PTPRS: variants seen among roughly 807,000 people sequenced by gnomAD.
PTPRS encodes the protein receptor-type tyrosine-protein phosphatase S.
PTPRS carries 63 observed loss-of-function variants against 215.3 expected under a neutral mutation model. The observed-to-expected ratio is 0.29, with a 90% CI of 0.24 to 0.36. The LOEUF is 0.36. Ranked by LOEUF, PTPRS falls within the 10% of genes least tolerant of loss-of-function variation. PTPRS has a pLI of 1.00. For synonymous variants in PTPRS, 1,404 were observed against 1,191.4 expected (o/e 1.18, Z -3.68); for missense variants, 2,258 against 2,825.8 (o/e 0.80, Z 4.56).
At position 5,240,267 on chromosome 19, in the gene PTPRS, T is replaced by C. The variant is rs1479695774; in HGVS notation, c.1636A>G (p.Ser546Gly). 1.3e-6 allele frequency: 2 copies of C among 1,594,986 alleles called. No homozygotes were observed. Among genetic ancestry groups the C allele is most frequent in the African/African-American group, 1.3e-5 (1 of 74,684 alleles). The change falls in exon 12 of 38, where the codon AGC (serine) becomes GGC (glycine). Residue 546 changes from serine (S) to glycine (G), a missense_variant. Transcript: ENST00000262963. ...ATGATACTCTCCTGCCGCGGGGGGCTCCAGGACAGCGTGATGCTGGTCTCC... is the reference window on the plus strand; with the variant it reads ...ATGATACTCTCCTGCCGCGGGGGGCCCCAGGACAGCGTGATGCTGGTCTCC... ...RSETSITLSWSPPRQESIIKY... is the reference protein window; with the variant it reads ...RSETSITLSWGPPRQESIIKY...
chr19:5,272,600 A>G (rs1278319021), intron 4 of PTPRS, among the ~76,000 whole-genome samples: 1 of 18,446 alleles, frequency 5.4e-5, no homozygotes, highest in Non-Finnish European at 1.2e-4. Context: ...TGTCTCAAAA[A>G]AAAAAAAAAA....
chr19:5,251,390 T>C (rs2045051103), intron 9 of PTPRS, among the ~76,000 whole-genome samples: 1 of 150,760 alleles, frequency 6.6e-6, no homozygotes, highest in African/African-American at 2.4e-5. Flanking sequence ...TGGCAAGTCA[T>C]TGGTATTTTG....
intron 1 of PTPRS, among the ~76,000 whole-genome samples, chr19:5,297,669 A>G (rs1315770584): frequency 1.3e-5 from 2 of 152,136 alleles, no homozygotes; most frequent in Admixed American, 6.5e-5. Flanking sequence ...TTGCATTTAC[A>G]CCTGGAGGAA....
rs1259369061 is a variant in PTPRS, at chr19:5,246,049, G to C, written c.719-4C>G. On this transcript the variant is annotated splice_region_variant and splice_polypyrimidine_tract_variant and intron_variant, in intron 9 of 37. Transcript: ENST00000262963. ...AAGCGCGGGGCCACGCGGCGGACTGGGGAGGGGGCGGCAGTGGCGGCGGGA... is the reference window on the plus strand; with the variant it reads ...AAGCGCGGGGCCACGCGGCGGACTGCGGAGGGGGCGGCAGTGGCGGCGGGA... The C allele has an allele frequency of 1.4e-6, 2 of 1,470,616 alleles. No individual in the cohort carries two copies. The highest frequency in any genetic ancestry group is 1.8e-6 in the Non-Finnish European group (2 of 1,104,636). 91.1% of individuals were successfully genotyped at this position (1,470,616 alleles called of 1,614,324 possible). A position where few individuals can be genotyped will look rare whatever the true frequency, so the allele number is the denominator to read the frequency against.
At chr19:5,268,831 TCAG>T (rs1194523229) in intron 4 of PTPRS, among the ~76,000 whole-genome samples, 5 of 152,134 alleles carry the variant, frequency 3.3e-5, no homozygotes, top group Non-Finnish European at 5.9e-5. Context: ...CTGGCTGAGC[TCAG>T]AAGAAGCTGA....
At chr19:5,329,098 G>A (rs185547073) in intron 1 of PTPRS, among the ~76,000 whole-genome samples, 13 of 152,248 alleles carry the variant, frequency 8.5e-5, no homozygotes, top group Admixed American at 2.6e-4. Context: ...AAAACAAAAC[G>A]GGGTGCGGGA....
intron 24 of PTPRS, 52 bp downstream of exon 24, chr19:5,218,735 C>CT: frequency 1.2e-6 from 2 of 1,602,454 alleles, no homozygotes; most frequent in Admixed American, 3.3e-5. Context: ...CAGCCCATTC[C>CT]CTGTCCTCTT....
chr19:5,313,545 G>A (rs764322063), intron 1 of PTPRS, among the ~76,000 whole-genome samples: 11 of 152,144 alleles, frequency 7.2e-5, no homozygotes, highest in Non-Finnish European at 1.5e-4. Context: ...CGGGGCCGAC[G>A]GCTGGCACTG....
Position 5,207,940 on chromosome 19 carries a change from C to G in PTPRS, c.5760G>C (p.Pro1920=), listed in dbSNP as rs766060117. 2 of 1,613,930 alleles carry G rather than the reference C, an allele frequency of 1.2e-6. No homozygotes were observed. Among genetic ancestry groups the G allele is most frequent in the Non-Finnish European group, 1.7e-6 (2 of 1,179,992 alleles). The change falls in exon 37 of 38, where the codon CCG becomes CCC. Residue 1920 remains proline (P), a synonymous_variant. Transcript: ENST00000262963. ...QTVKMLRTQR[P]AMVQTEDEYQ... ...TCTTTACCTCTGTCTGCACCATGGC[C>G]GGCCGCTGGGTTCGTAGCATCTTCA...
At chr19:5,225,869 A>G (rs763543943) in intron 16 of PTPRS, 25 bp from the exon 17 acceptor site, 1 of 1,599,212 alleles carries the variant, frequency 6.3e-7, no homozygotes, top group South Asian at 1.1e-5. Flanking sequence ...GGGGGTCAGC[A>G]CGACGGCTGG....
chr19:5,226,111 C>A (rs1008084965), intron 16 of PTPRS, among the ~76,000 whole-genome samples: 1 of 152,224 alleles, frequency 6.6e-6, no homozygotes, highest in Admixed American at 6.5e-5. Flanking sequence ...TGCCATCACC[C>A]CCGACAGTCT....
chr19:5,212,549 A>C, intron 30 of PTPRS, 58 bp from the exon 31 acceptor site: 28 of 1,527,816 alleles, frequency 1.8e-5, no homozygotes, highest in Non-Finnish European at 2.4e-5. Context: ...CCATGTGCTG[A>C]AGATGCCCAA....
At chr19:5,299,263 G>A (rs902215602) in intron 1 of PTPRS, among the ~76,000 whole-genome samples, 1 of 152,082 alleles carries the variant, frequency 6.6e-6, no homozygotes, top group Non-Finnish European at 1.5e-5. Context: ...TCTCCTCCCT[G>A]CCCTCCATTC....
Position 5,271,635 on chromosome 19 carries a change from C to T in PTPRS, c.379+1807G>A, listed in dbSNP as rs531836554. Reference sequence around the variant, plus strand: ...GGCTGGTCTCTAAGTCCTGACCTCGCGATCTGCCCGCCTTGGCCTCCCAAA... The same window carrying T: ...GGCTGGTCTCTAAGTCCTGACCTCGTGATCTGCCCGCCTTGGCCTCCCAAA... On this transcript the variant is annotated intron_variant, in intron 4 of 37. Coordinates refer to ENST00000262963, the MANE Select transcript of PTPRS (RefSeq NM_002850.4). Among the ~76,000 whole-genome samples the T allele has an allele frequency of 1.5e-4, 23 of 151,508 alleles. No individual in the cohort carries two copies. In the South Asian group the frequency reaches 4.2e-3, roughly 28 times the overall value.
At position 5,240,212 on chromosome 19, in the gene PTPRS, T is replaced by C; in HGVS notation, c.1691A>G (p.Asp564Gly). The C allele has an allele frequency of 6.5e-7, 1 of 1,546,710 alleles. No homozygotes were observed. Among genetic ancestry groups the C allele is most frequent in the East Asian group, 2.5e-5 (1 of 40,754 alleles). ...GCGCTGCCTCACCTCCCGGCCATGG[T>C]CGCCTTCCCGGAAGAGGAGCTCGTA... The part of the protein sequence containing the change: ...IKYELLFREG[D>G]HGREVGRTFD... The change falls in exon 12 of 38, where the codon GAC (aspartate) becomes GGC (glycine). Residue 564 changes from aspartate (D) to glycine (G), a missense_variant. Transcript: ENST00000262963.
At chr19:5,324,448 G>C (rs1260730403) in intron 1 of PTPRS, among the ~76,000 whole-genome samples, 3 of 152,134 alleles carry the variant, frequency 2.0e-5, no homozygotes, top group Non-Finnish European at 4.4e-5. Flanking sequence ...TTTTGTGTAT[G>C]GAAGGGGACA....
chr19:5,330,421 G>A (rs985307564), intron 1 of PTPRS, among the ~76,000 whole-genome samples: 12 of 152,214 alleles, frequency 7.9e-5, no homozygotes, highest in Non-Finnish European at 1.6e-4. Context: ...GAGCATTAGC[G>A]GCCCCCACCA....
chr19:5,323,309 G>C (rs2050081553), intron 1 of PTPRS, among the ~76,000 whole-genome samples: 1 of 152,160 alleles, frequency 6.6e-6, no homozygotes, highest in Admixed American at 6.5e-5. Context: ...CATGAACCAA[G>C]ATCACACCAC....
chr19:5,271,410 T>TC (rs59258187), intron 4 of PTPRS, among the ~76,000 whole-genome samples: 9 of 151,542 alleles, frequency 5.9e-5, no homozygotes, highest in African/African-American at 2.2e-4. Flanking sequence ...TTTTTTTTTT[T>TC]CCCTGAGACG....
Sources: allele counts gnomAD v4.1 joint callset (sites outside exome capture counted in the v4.1 genomes callset), GRCh38; gene constraint gnomAD v4.1.1; transcripts MANE v1.5; gene names NCBI Gene and HGNC (gene_info 2026-07-23, HGNC 2026-07-21).